SSU72: variants seen among roughly 807,000 people sequenced by gnomAD.
SSU72 encodes SSU72 homolog, RNA polymerase II CTD phosphatase, also known as RNA polymerase II subunit A C-terminal domain phosphatase SSU72.
Under a neutral mutation model 22.7 loss-of-function variants are expected in SSU72, and 12 were observed. The observed-to-expected ratio is 0.53, with a 90% CI of 0.34 to 0.86. The LOEUF is 0.86. Among genes scored for constraint, SSU72 ranks in the 40% least tolerant of loss-of-function variants. SSU72 has a pLI of 0.02. For missense variants in SSU72, 151 were observed against 249.8 expected (o/e 0.60, Z 2.67); for synonymous variants, 116 against 98.3 (o/e 1.18, Z -1.06).
Position 1,550,996 on chromosome 1 carries a change from C to T in SSU72, c.225-5994G>A, listed in dbSNP as rs1419660325. On this transcript the variant is annotated intron_variant, in intron 2 of 4. Transcript: ENST00000291386. ...ATCCACCCCCCAGAAAGCTCCTGTC[C>T]TGCCAGCGCCCCCAGGCTGCCCGGG... Among the ~76,000 whole-genome samples, 5 of 152,200 alleles carry T rather than the reference C, an allele frequency of 3.3e-5. No individual in the cohort carries two copies. The East Asian group carries it at 9.7e-4, about 29-fold the overall frequency.
At chr1:1,557,515 C>T (rs1341531232) in intron 2 of SSU72, among the ~76,000 whole-genome samples, 1 of 150,958 alleles carries the variant, frequency 6.6e-6, no homozygotes, top group Non-Finnish European at 1.5e-5. Context: ...TATATGGGGC[C>T]GGACACAGCG....
rs1642337964 is a variant in SSU72 at position 1,542,659 on chromosome 1, C to T, written c.484-492G>A. Among the ~76,000 whole-genome samples, 1 of 152,122 alleles carries T rather than the reference C, an allele frequency of 6.6e-6. No homozygotes were observed. Among genetic ancestry groups the T allele is most frequent in the Non-Finnish European group, 1.5e-5 (1 of 68,030 alleles). ...CTGCCCTGGCACCGGCAGCTCGTTA[C>T]TCGCCATCTCCACTGTCCCCTGGTC... On this transcript the variant is annotated intron_variant, in intron 4 of 4. Transcript: ENST00000291386. The surrounding 1 kb of genome is among the most constrained non-coding windows in gnomAD (Gnocchi z 4.4).
At chr1:1,564,228 C>CTCTATA (rs1275234081) in intron 2 of SSU72, 2 of 347,076 alleles carry the variant, frequency 5.8e-6, no homozygotes, top group Non-Finnish European at 5.3e-6. Flanking sequence ...GGAGTCTTCG[C>CTCTATA]GGCAGACCTA....
At chr1:1,557,629 T>G (rs1642536903) in intron 2 of SSU72, among the ~76,000 whole-genome samples, 1 of 151,354 alleles carries the variant, frequency 6.6e-6, no homozygotes, top group Non-Finnish European at 1.5e-5. Context: ...ACCCCATCTC[T>G]ACTAAAAATA....
intron 2 of SSU72, among the ~76,000 whole-genome samples, chr1:1,557,912 G>A (rs1642540540): frequency 6.6e-6 from 1 of 152,110 alleles, no homozygotes; most frequent in Non-Finnish European, 1.5e-5. Flanking sequence ...ATGAACAAAT[G>A]TGCAATTTAA....
intron 2 of SSU72, among the ~76,000 whole-genome samples, chr1:1,547,230 G>A (rs1238647112): frequency 3.3e-5 from 5 of 152,082 alleles, no homozygotes; most frequent in Non-Finnish European, 1.5e-5. Context: ...TGAGGCCGTG[G>A]GGGCTCCTGG....
intron 2 of SSU72, among the ~76,000 whole-genome samples, chr1:1,557,371 C>A (rs977423195): frequency 3.0e-4 from 45 of 151,716 alleles, no homozygotes; most frequent in African/African-American, 1.1e-3. Context: ...CGAGATTGCA[C>A]CACTGCACTC....
At chr1:1,543,620 A>G (rs531112430) in intron 4 of SSU72, among the ~76,000 whole-genome samples, 1 of 151,298 alleles carries the variant, frequency 6.6e-6, no homozygotes, top group African/African-American at 2.4e-5. Flanking sequence ...GGCCTCGGCC[A>G]CTCCCCACTG....
At chr1:1,564,318 C>A in intron 2 of SSU72, 1 of 653,674 alleles carries the variant, frequency 1.5e-6, no homozygotes, top group East Asian at 2.9e-5. Flanking sequence ...AAGCTCCGCC[C>A]TCTTCTTTAT....
intron 1 of SSU72, among the ~76,000 whole-genome samples, chr1:1,573,604 C>A (rs910069650): frequency 1.3e-5 from 2 of 151,928 alleles, no homozygotes; most frequent in Non-Finnish European, 2.9e-5. Flanking sequence ...CGTGAGCCAC[C>A]GTGCCTGGCC....
intron 1 of SSU72, among the ~76,000 whole-genome samples, chr1:1,569,248 T>C (rs933772803): frequency 2.6e-5 from 4 of 152,046 alleles, no homozygotes; most frequent in African/African-American, 9.7e-5. Context: ...AAAACCTAAC[T>C]GGTTCCAAGG....
In SSU72 at chr1:1,541,734, T is replaced by C. The variant is rs980710220; in HGVS notation, c.*332A>G. 5.6e-6 allele frequency: 2 copies of C among 358,450 alleles called. No homozygotes were observed. Among genetic ancestry groups the C allele is most frequent in the Non-Finnish European group, 1.1e-5 (2 of 187,108 alleles). 22.2% of individuals were successfully genotyped at this position (358,450 alleles called of 1,614,324 possible). On this transcript the variant is annotated 3_prime_UTR_variant, in exon 5 of 5. Transcript: ENST00000291386. ...TTCCTAACACGCCGCAGCAGGGCTC[T>C]GTACAGTCCGGCCCGGTGGGGAGGA... is the stretch of plus-strand genomic sequence containing the variant.
At chr1:1,568,891 G>A (rs920812287) in intron 1 of SSU72, among the ~76,000 whole-genome samples, 2 of 151,946 alleles carry the variant, frequency 1.3e-5, no homozygotes, top group Non-Finnish European at 2.9e-5. Flanking sequence ...AATAAATAAG[G>A]CCAGGCACGG....
intron 1 of SSU72, among the ~76,000 whole-genome samples, chr1:1,567,362 T>C (rs1570399067): frequency 6.6e-6 from 1 of 152,098 alleles, no homozygotes; most frequent in South Asian, 2.1e-4. Context: ...TCCAAACATC[T>C]ACCACACACG....
At chr1:1,569,198 C>CA (rs1207554234) in intron 1 of SSU72, among the ~76,000 whole-genome samples, 1 of 151,680 alleles carries the variant, frequency 6.6e-6, no homozygotes, top group African/African-American at 2.4e-5. Context: ...AAGAAAAAAA[C>CA]AAAAAAACAA....
chr1:1,544,759 C>T (rs554536469), intron 3 of SSU72, 104 bp downstream of exon 3: 27 of 1,555,224 alleles, frequency 1.7e-5, no homozygotes, highest in Admixed American at 6.7e-5. Context: ...CCCCGGCCCC[C>T]GCCACTCTAG....
intron 1 of SSU72, among the ~76,000 whole-genome samples, chr1:1,568,268 AGAC>A (rs1281209209): frequency 2.0e-5 from 3 of 152,190 alleles, no homozygotes; most frequent in Non-Finnish European, 4.4e-5. Flanking sequence ...CTAATCTTCC[AGAC>A]AAGTATTTGT....
intron 1 of SSU72, among the ~76,000 whole-genome samples, chr1:1,572,630 T>C (rs1165041188): frequency 5.3e-5 from 8 of 150,572 alleles, no homozygotes; most frequent in Non-Finnish European, 1.0e-4. Flanking sequence ...CTAATTTTTT[T>C]GTATTTTCAG....
In SSU72 at chr1:1,541,749, G is replaced by T; in HGVS notation, c.*317C>A. On this transcript the variant is annotated 3_prime_UTR_variant, in exon 5 of 5. Coordinates refer to ENST00000291386, the MANE Select transcript of SSU72 (RefSeq NM_014188.3). ...AGCAGGGCTCTGTACAGTCCGGCCC[G>T]GTGGGGAGGAGGGAGGGAAGGCAGG... The T allele has an allele frequency of 2.6e-6, 1 of 379,946 alleles. No individual in the cohort carries two copies. Among genetic ancestry groups the T allele is most frequent in the Non-Finnish European group, 5.0e-6 (1 of 199,272 alleles). 23.5% of individuals were successfully genotyped at this position (379,946 alleles called of 1,614,324 possible).
Sources: gnomAD v4.1 joint callset for allele counts (sites outside exome capture counted in the v4.1 genomes callset) on GRCh38, gnomAD v4.1.1 for gene constraint, Gnocchi (gnomAD v3.1) non-coding constraint, MANE v1.5 for transcripts, NCBI Gene and HGNC (gene_info 2026-07-23, HGNC 2026-07-21) for gene names.